Variants in PEAK1 observed in about 807,000 individuals in gnomAD.
PEAK1 encodes the protein inactive tyrosine-protein kinase PEAK1.
A neutral mutation model predicts 124.7 loss-of-function variants in PEAK1; 54 were observed. That is an observed-to-expected ratio of 0.43 (90% CI 0.35 to 0.54). The LOEUF is 0.54. Ranked by LOEUF, PEAK1 falls within the 20% of genes least tolerant of loss-of-function variation. The pLI is 0.01. For missense variants in PEAK1, 2,046 were observed against 2,134.5 expected (o/e 0.96, Z 0.82); for synonymous variants, 719 against 760.0 (o/e 0.95, Z 0.89).
At chr15:77,196,784 A>AT (rs2058124831) in intron 6 of PEAK1, among the ~76,000 whole-genome samples, 1 of 152,158 alleles carries the variant, frequency 6.6e-6, no homozygotes. Flanking sequence ...AGAAAATGTG[A>AT]TTTTTTGGTA....
At chr15:77,135,284 T>G (rs1165420530) in intron 8 of PEAK1, among the ~76,000 whole-genome samples, 1 of 152,162 alleles carries the variant, frequency 6.6e-6, no homozygotes, top group Non-Finnish European at 1.5e-5. Flanking sequence ...GGGGTGGTGG[T>G]TTGTTTTGTT....
intron 1 of PEAK1, among the ~76,000 whole-genome samples, chr15:77,394,971 T>C (rs1476103515): frequency 6.6e-6 from 1 of 152,226 alleles, no homozygotes; most frequent in Non-Finnish European, 1.5e-5. Context: ...ACCCCATTAA[T>C]GTATATAACT....
intron 8 of PEAK1, among the ~76,000 whole-genome samples, chr15:77,137,248 C>T (rs1341718655): frequency 4.6e-5 from 7 of 152,162 alleles, no homozygotes; most frequent in East Asian, 1.9e-4. Context: ...AATGTGGGGT[C>T]GGAGCCCCCA....
chr15:77,352,632 G>A (rs1208298731), intron 2 of PEAK1: 1 of 954,734 alleles, frequency 1.0e-6, no homozygotes, highest in East Asian at 1.1e-4. Flanking sequence ...ATGAATAACT[G>A]AATATTTCTG....
intron 6 of PEAK1, among the ~76,000 whole-genome samples, chr15:77,245,206 T>C (rs1218234937): frequency 1.3e-5 from 2 of 152,168 alleles, no homozygotes; most frequent in Non-Finnish European, 2.9e-5. Context: ...TGGATGCCTA[T>C]TACCTGGGCA....
At chr15:77,187,431 CACAAAAAT>C (rs1262040271) in intron 6 of PEAK1, among the ~76,000 whole-genome samples, 2 of 151,896 alleles carry the variant, frequency 1.3e-5, no homozygotes, top group East Asian at 3.9e-4. Context: ...AAAAAAACCC[CACAAAAAT>C]ACAAAAAAAC....
chr15:77,113,030 T>A lies in PEAK1; in HGVS notation c.*1126A>T, dbSNP rs1390398093. ...AGAAGAGGTCAACCTTCTGAGGAGG[T>A]CAGCAGTCTCATCAGTGGCCTTCTT... On this transcript the variant is annotated 3_prime_UTR_variant, in exon 10 of 10. Transcript: ENST00000682557. 6.6e-6 allele frequency: 1 copy of A among 152,210 alleles called. No individual in the cohort carries two copies. The highest frequency in any genetic ancestry group is 2.4e-5 in the African/African-American group (1 of 41,402). The allele number at this position is 152,210 out of a possible 1,614,324, so 9.4% of individuals were successfully genotyped here.
At chr15:77,309,443 A>C (rs1220028186) in intron 2 of PEAK1, among the ~76,000 whole-genome samples, 1 of 152,100 alleles carries the variant, frequency 6.6e-6, no homozygotes, top group Non-Finnish European at 1.5e-5. Flanking sequence ...GAAAAAAAAA[A>C]CACCTTTACA....
chr15:77,411,398 T>C (rs1407982606), intron 1 of PEAK1, among the ~76,000 whole-genome samples: 1 of 152,184 alleles, frequency 6.6e-6, no homozygotes, highest in African/African-American at 2.4e-5. Context: ...CAAGACCTAA[T>C]AATGGAAAGG....
At chr15:77,340,555 C>T (rs576214830) in intron 2 of PEAK1, among the ~76,000 whole-genome samples, 2 of 152,200 alleles carry the variant, frequency 1.3e-5, no homozygotes, top group African/African-American at 4.8e-5. Flanking sequence ...CCACTGTAAT[C>T]GCAGATAGAT....
At chr15:77,303,653 T>C (rs773995513) in intron 2 of PEAK1, among the ~76,000 whole-genome samples, 1 of 152,210 alleles carries the variant, frequency 6.6e-6, no homozygotes, top group Non-Finnish European at 1.5e-5. Flanking sequence ...TCAAGTGTTA[T>C]ATAAGTGTTT....
intron 6 of PEAK1, among the ~76,000 whole-genome samples, chr15:77,252,144 CT>C (rs569716886): frequency 5.3e-4 from 81 of 152,324 alleles, no homozygotes; most frequent in Middle Eastern, 6.8e-3. Context: ...CATATTCTTT[CT>C]CAAATAATCT....
intron 9 of PEAK1, among the ~76,000 whole-genome samples, chr15:77,115,936 G>C (rs981133343): frequency 5.3e-5 from 8 of 152,198 alleles, no homozygotes; most frequent in Non-Finnish European, 1.0e-4. Flanking sequence ...AGGGTTGAGA[G>C]AGTCACTGGT....
chr15:77,402,449 T>C (rs1160888056), intron 1 of PEAK1: 1 of 984,958 alleles, frequency 1.0e-6, no homozygotes, highest in African/African-American at 1.7e-5. Context: ...TGTCACTGCA[T>C]ATCTTTTAGT....
intron 7 of PEAK1, among the ~76,000 whole-genome samples, chr15:77,175,961 G>C (rs1442483801): frequency 6.6e-6 from 1 of 152,092 alleles, no homozygotes; most frequent in Non-Finnish European, 1.5e-5. Context: ...TAGGGACATG[G>C]ATGAAATTGG....
chr15:77,114,856 T>G lies in PEAK1; in HGVS notation c.4541A>C (p.His1514Pro). 2 of 1,613,626 alleles carry G rather than the reference T, an allele frequency of 1.2e-6. No individual in the cohort carries two copies. Among genetic ancestry groups the G allele is most frequent in the Non-Finnish European group, 1.7e-6 (2 of 1,179,974 alleles). ...LEHLKPYHVT[H>P]CDLRLENLLL... is the part of the protein sequence containing the mutation. ...CAGGTTCTCTAGGCGTAGATCGCAG[T>G]GAGTGACATGGTAGGGTTTGAGGTG... Residue 1514 changes from histidine (H) to proline (P), a missense_variant, in exon 10 of 10, where the codon CAC (histidine) becomes CCC (proline). His to Pro is a moderately conservative substitution (Grantham distance 77). Transcript: ENST00000682557.
intron 1 of PEAK1, among the ~76,000 whole-genome samples, chr15:77,415,557 G>A (rs917927409): frequency 6.6e-6 from 1 of 152,022 alleles, no homozygotes. Flanking sequence ...CACAGCACTT[G>A]GCCTCACATA....
At chr15:77,407,796 C>T (rs1377459835) in intron 1 of PEAK1, among the ~76,000 whole-genome samples, 1 of 152,008 alleles carries the variant, frequency 6.6e-6, no homozygotes, top group African/African-American at 2.4e-5. Context: ...ATGAACAAGA[C>T]ATTTGCACAG....
chr15:77,350,124 C>T (rs2067118505), intron 2 of PEAK1: 1 of 985,246 alleles, frequency 1.0e-6, no homozygotes, highest in African/African-American at 1.7e-5. Flanking sequence ...TGTTCAAAGC[C>T]ACTTCGAAAG....
Sources: gnomAD v4.1 joint callset for allele counts (sites outside exome capture counted in the v4.1 genomes callset) on GRCh38, gnomAD v4.1.1 for gene constraint, MANE v1.5 for transcripts, NCBI Gene and HGNC (gene_info 2026-07-23, HGNC 2026-07-21) for gene names.